Variants in LRMDA observed in about 807,000 individuals in gnomAD.
The protein encoded by LRMDA is leucine rich melanocyte differentiation associated.
LRMDA carries 18 observed loss-of-function variants against 29.8 expected under a neutral mutation model. The ratio of observed to expected loss-of-function variants is 0.60; its 90% CI spans 0.42 to 0.90. The LOEUF (loss-of-function observed/expected upper bound fraction) is 0.90. LRMDA is among the 40% of genes least tolerant of loss of function. The probability of loss-of-function intolerance (pLI) is 0.00; values close to 1 mark genes in which losing one functional copy is unlikely to be tolerated. For synonymous variants in LRMDA, 125 were observed against 109.4 expected (o/e 1.14, Z -0.89); for missense variants, 273 against 273.9 (o/e 1.00, Z 0.02).
At chr10:76,419,265 T>C (rs1412372785) in intron 6 of LRMDA, among the ~76,000 whole-genome samples, 1 of 152,124 alleles carries the variant, frequency 6.6e-6, no homozygotes, top group Non-Finnish European at 1.5e-5. Context: ...AACTATTCCC[T>C]GGTAACCACT....
chr10:76,093,621 T>C (rs1419085872), intron 5 of LRMDA, among the ~76,000 whole-genome samples: 1 of 152,166 alleles, frequency 6.6e-6, no homozygotes, highest in African/African-American at 2.4e-5. Context: ...ATTGCCCGAC[T>C]TAAGAACAGT....
At chr10:75,576,022 A>G (rs1840501850) in intron 2 of LRMDA, among the ~76,000 whole-genome samples, 1 of 149,460 alleles carries the variant, frequency 6.7e-6, no homozygotes, top group Non-Finnish European at 1.5e-5. Context: ...AGACAGAACC[A>G]TTCACTCCCC....
intron 6 of LRMDA, among the ~76,000 whole-genome samples, chr10:76,357,893 C>G (rs10430475): frequency 0.92 from 139,378 of 152,184 alleles, 64,533 homozygotes; most frequent in Non-Finnish European, 0.96. Context: ...TACCATGGGA[C>G]TGTGAGGCCT....
At chr10:76,418,697 ATC>A (rs1446705828) in intron 6 of LRMDA, among the ~76,000 whole-genome samples, 1 of 152,102 alleles carries the variant, frequency 6.6e-6, no homozygotes, top group East Asian at 1.9e-4. Flanking sequence ...CTCATTTTCA[ATC>A]TCAGCTTTTA....
chr10:75,752,696 G>A (rs1338096583), intron 2 of LRMDA, among the ~76,000 whole-genome samples: 2 of 152,168 alleles, frequency 1.3e-5, no homozygotes, highest in Admixed American at 1.3e-4. Context: ...GAAACAGCTA[G>A]GAGCAGAACC....
At chr10:75,621,224 A>ACCCC (rs35097090) in intron 2 of LRMDA, among the ~76,000 whole-genome samples, 18 of 143,284 alleles carry the variant, frequency 1.3e-4, no homozygotes, top group South Asian at 6.8e-4. Flanking sequence ...ACACACACAC[A>ACCCC]CCCACACACC....
intron 5 of LRMDA, among the ~76,000 whole-genome samples, chr10:76,064,161 G>A (rs1365378703): frequency 6.6e-6 from 1 of 152,148 alleles, no homozygotes; most frequent in Non-Finnish European, 1.5e-5. Flanking sequence ...TGTGTTAATT[G>A]CCACCTGTAC....
chr10:75,939,128 T>C (rs1346538538), intron 2 of LRMDA, among the ~76,000 whole-genome samples: 1 of 152,188 alleles, frequency 6.6e-6, no homozygotes, highest in Non-Finnish European at 1.5e-5. Flanking sequence ...ATTATCCTTG[T>C]GGTCCTAAAA....
At chr10:76,271,585 T>C (rs919283398) in intron 5 of LRMDA, among the ~76,000 whole-genome samples, 2 of 152,206 alleles carry the variant, frequency 1.3e-5, no homozygotes, top group Non-Finnish European at 2.9e-5. Flanking sequence ...ATCTTGTTTA[T>C]TGTTTTCCTA....
intron 2 of LRMDA, among the ~76,000 whole-genome samples, chr10:75,684,330 C>G: frequency 6.6e-6 from 1 of 152,176 alleles, no homozygotes; most frequent in East Asian, 1.9e-4. Flanking sequence ...ACCTGCTGTG[C>G]GTTGTTGTTA....
intron 2 of LRMDA, among the ~76,000 whole-genome samples, chr10:75,936,596 A>T (rs1421979628): frequency 6.6e-6 from 1 of 152,150 alleles, no homozygotes; most frequent in Non-Finnish European, 1.5e-5. Context: ...TAAACAGCAG[A>T]TACTTATTTC....
intron 5 of LRMDA, among the ~76,000 whole-genome samples, chr10:76,266,560 C>T (rs1430285083): frequency 6.6e-6 from 1 of 152,024 alleles, no homozygotes; most frequent in Non-Finnish European, 1.5e-5. Flanking sequence ...TCATTATCTC[C>T]ATTTTTCACA....
chr10:75,775,973 A>G (rs1843307065), intron 2 of LRMDA, among the ~76,000 whole-genome samples: 1 of 152,208 alleles, frequency 6.6e-6, no homozygotes, highest in Non-Finnish European at 1.5e-5. Context: ...TGAGCCTGCT[A>G]TGAATACCCA....
chr10:75,984,030 C>G (rs1847220031), intron 2 of LRMDA, among the ~76,000 whole-genome samples: 1 of 152,174 alleles, frequency 6.6e-6, no homozygotes, highest in African/African-American at 2.4e-5. Context: ...GCCGGCCAGG[C>G]AGCTCTAGGG....
At chr10:76,022,742 C>T (rs112850468) in intron 2 of LRMDA, among the ~76,000 whole-genome samples, 2,285 of 152,152 alleles carry the variant, frequency 0.015, 42 homozygotes, top group South Asian at 0.019. Flanking sequence ...TTTATTCATC[C>T]TAGGCCTGGC....
At chr10:75,692,045 T>G (rs1842165427) in intron 2 of LRMDA, among the ~76,000 whole-genome samples, 1 of 151,000 alleles carries the variant, frequency 6.6e-6, no homozygotes, top group East Asian at 2.0e-4. Context: ...TCTACAAAAG[T>G]AAAAAAAGTA....
intron 5 of LRMDA, among the ~76,000 whole-genome samples, chr10:76,309,116 G>A (rs893336241): frequency 2.6e-5 from 4 of 152,156 alleles, no homozygotes; most frequent in Non-Finnish European, 5.9e-5. Flanking sequence ...CCCTTTTCGA[G>A]GCAAAGATGG....
intron 5 of LRMDA, among the ~76,000 whole-genome samples, chr10:76,301,941 C>T (rs1225264546): frequency 1.3e-5 from 2 of 152,130 alleles, no homozygotes; most frequent in African/African-American, 4.8e-5. Context: ...GAATTTGTTT[C>T]CTTTGATCTA....
intron 2 of LRMDA, among the ~76,000 whole-genome samples, chr10:75,995,134 A>G (rs1295022926): frequency 6.6e-6 from 1 of 152,226 alleles, no homozygotes; most frequent in Non-Finnish European, 1.5e-5. Context: ...AATGAGACAT[A>G]TCTGCTGAGC....
Sources: gnomAD v4.1 joint callset for allele counts (sites outside exome capture counted in the v4.1 genomes callset) on GRCh38, gnomAD v4.1.1 for gene constraint, MANE v1.5 for transcripts, NCBI Gene and HGNC (gene_info 2026-07-23, HGNC 2026-07-21) for gene names.